TG: variants seen among roughly 807,000 people sequenced by gnomAD.
TG encodes the protein thyroid hormones.
In TG, 270 loss-of-function variants were observed where a neutral mutation model predicts 324.7. The observed-to-expected ratio is 0.83, with a 90% CI of 0.75 to 0.92. The LOEUF is 0.92. TG is among the 40% of genes least tolerant of loss of function. TG has a pLI of 0.00. For synonymous variants in TG, 1,401 were observed against 1,327.0 expected, an observed-to-expected ratio of 1.06 and a Z score of -1.21; for missense variants, 3,591 against 3,456.4, an observed-to-expected ratio of 1.04 and a Z score of -0.98.
intron 19 of TG, 107 bp from the exon 20 acceptor site, chr8:132,912,940 T>C (rs1819740644): frequency 9.5e-7 from 1 of 1,051,012 alleles, no homozygotes; most frequent in East Asian, 2.6e-5. Context: ...ATGATGCCTA[T>C]GTCTCATTCC....
intron 23 of TG, among the ~76,000 whole-genome samples, chr8:132,932,448 T>C (rs1822858963): frequency 6.6e-6 from 1 of 152,224 alleles, no homozygotes; most frequent in African/African-American, 2.4e-5. Flanking sequence ...TTTGCTCCCA[T>C]CAGCCACAGA....
chr8:132,923,426 G>T lies in TG; in HGVS notation c.4617G>T (p.Gly1539=). The T allele has an allele frequency of 6.2e-7, 1 of 1,614,136 alleles. No homozygotes were observed. Among genetic ancestry groups the T allele is most frequent in the South Asian group, 1.1e-5 (1 of 91,084 alleles). ...YRASQKDRGS[G]KAFCVDGEGR... ...CCAGCCAGAAGGACAGGGGCAGTGG[G>T]AAGGCCTTCTGTGTGGACGGCGAGG... is the stretch of plus-strand genomic sequence containing the variant. The change falls in exon 22 of 48, where the codon GGG becomes GGT. Residue 1539 remains glycine (G), a synonymous_variant. Coordinates refer to ENST00000220616, the MANE Select transcript of TG (RefSeq NM_003235.5).
chr8:132,906,320 T>G (rs1818674159), intron 16 of TG, among the ~76,000 whole-genome samples: 2 of 152,020 alleles, frequency 1.3e-5, no homozygotes, highest in Admixed American at 6.6e-5. Context: ...CCTGGGGGAC[T>G]GAGGCAGGGG....
chr8:133,113,443 C>T lies in TG; in HGVS notation c.7594C>T (p.Arg2532Trp), dbSNP rs565384161. ...CTAGCAATTTGAGGAAAGTCGAGGC[C>T]GGACCAGTAGCAAAACAGCCTTTTA... The part of the protein sequence containing the change: ...AVKQFEESRG[R>W]TSSKTAFYQA... Residue 2532 changes from arginine to tryptophan, a missense_variant, in exon 44 of 48, where the codon CGG (arginine) becomes TGG (tryptophan). Physicochemically the swap from Arg to Trp is moderately radical, Grantham distance 101 (BLOSUM62 -3). Coordinates refer to ENST00000220616, the MANE Select transcript of TG (RefSeq NM_003235.5). The T allele has an allele frequency of 7.3e-5, 118 of 1,613,824 alleles. 1 individual carries two copies. The South Asian group carries it at 1.0e-3, about 14-fold the overall frequency.
chr8:133,128,068 C>A (rs537609915), intron 45 of TG, among the ~76,000 whole-genome samples: 111 of 150,706 alleles, frequency 7.4e-4, no homozygotes, highest in Non-Finnish European at 1.3e-3. Flanking sequence ...GTAAGTAATT[C>A]TATCACTTGA....
At chr8:132,994,774 G>A (rs374862450) in intron 35 of TG, 49 of 1,288,306 alleles carry the variant, frequency 3.8e-5, no homozygotes, top group Middle Eastern at 4.3e-4. Flanking sequence ...GAGGGCTTCC[G>A]TATAACTGGA....
At chr8:132,939,266 C>T (rs770948006) in intron 25 of TG, among the ~76,000 whole-genome samples, 1 of 152,122 alleles carries the variant, frequency 6.6e-6, no homozygotes, top group South Asian at 2.1e-4. Flanking sequence ...GCAATATTAA[C>T]TTTGATTAAC....
chr8:132,898,312 G>A (rs1817417325), intron 13 of TG, 66 bp downstream of exon 13: 4 of 1,475,370 alleles, frequency 2.7e-6, no homozygotes, highest in African/African-American at 1.4e-5. Context: ...CTAGTCAGCT[G>A]TGGTTGCCTA....
chr8:132,923,496 TCA>T lies in TG; in HGVS notation c.4690_4691del (p.Gln1564ValfsTer8). The part of the protein sequence containing the change: ...WWETEAPLED[S>X]QCLMMQKFEK... Reference sequence around the variant, plus strand: ...GGAAACAGAGGCCCCTCTTGAGGACTCACAGTGTTTGAGTAGGTGCTGGGGGT... The same window carrying T: ...GGAAACAGAGGCCCCTCTTGAGGACTCAGTGTTTGAGTAGGTGCTGGGGGT... On this transcript the variant is annotated frameshift_variant, in exon 22 of 48. Coordinates refer to ENST00000220616, the MANE Select transcript of TG (RefSeq NM_003235.5). LOFTEE classifies it high-confidence loss of function. The T allele has an allele frequency of 6.2e-7, 1 of 1,613,950 alleles. No homozygotes were observed. Among genetic ancestry groups the T allele is most frequent in the Non-Finnish European group, 8.5e-7 (1 of 1,179,902 alleles).
chr8:133,112,666 T>C (rs1362450074), intron 43 of TG, among the ~76,000 whole-genome samples: 1 of 152,070 alleles, frequency 6.6e-6, no homozygotes, highest in Non-Finnish European at 1.5e-5. Context: ...TAGAAAAAGT[T>C]GCGCCCATCT....
At chr8:133,050,031 A>G in intron 41 of TG, 2 of 1,266,546 alleles carry the variant, frequency 1.6e-6, no homozygotes, top group Non-Finnish European at 2.3e-6. Flanking sequence ...ATAGGTAAAT[A>G]GCAAAACCAA....
intron 27 of TG, among the ~76,000 whole-genome samples, chr8:132,951,274 T>C (rs1826064286): frequency 6.6e-6 from 1 of 152,260 alleles, no homozygotes; most frequent in African/African-American, 2.4e-5. Flanking sequence ...TATATATCTG[T>C]GAGTGAATGG....
chr8:133,012,405 G>T lies in TG; in HGVS notation c.6397+370G>T, dbSNP rs1834598408. 2.0e-5 allele frequency among the ~76,000 whole-genome samples: 3 copies of T among 152,192 alleles called. No homozygotes were observed. In the South Asian group the frequency reaches 6.2e-4, roughly 31 times the overall value. On this transcript the variant is annotated intron_variant, in intron 36 of 47. Transcript: ENST00000220616. ...GGAAGTACACTTGTCTGGCCAGTGG[G>T]ATACACCTAAGAGCTATTGTTTTGG...
intron 26 of TG, 111 bp downstream of exon 26, chr8:132,941,653 A>G (rs1406083245): frequency 8.1e-7 from 1 of 1,233,874 alleles, no homozygotes; most frequent in Non-Finnish European, 1.2e-6. Context: ...GTGAGTGCCT[A>G]CACCCAAAGA....
In TG at chr8:132,967,906, G is replaced by T. The variant is rs779484127; in HGVS notation, c.5799G>T (p.Glu1933Asp). The change falls in exon 31 of 48, where the codon GAG (glutamate) becomes GAT (aspartate). Residue 1933 changes from glutamate (E) to aspartate (D), a missense_variant. Glu to Asp is a conservative substitution (Grantham distance 45, BLOSUM62 2). Transcript: ENST00000220616. ...CACAGGTGTGTGATGACATCATGGA[G>T]TCCAATGCCCAGGGCTGCAGACTGA... ...PEAQVCDDIM[E>D]SNAQGCRLIL... 1 of 1,614,008 alleles carries T rather than the reference G, an allele frequency of 6.2e-7. No homozygotes were observed. Among genetic ancestry groups the T allele is most frequent in the South Asian group, 1.1e-5 (1 of 91,068 alleles).
chr8:132,889,208 C>T (rs1815871681), intron 10 of TG, among the ~76,000 whole-genome samples: 1 of 152,208 alleles, frequency 6.6e-6, no homozygotes, highest in African/African-American at 2.4e-5. Flanking sequence ...GCCTTATCCC[C>T]CTCAGCTGTG....
At chr8:132,969,436 T>C (rs763505431) in intron 31 of TG, 22 bp from the exon 32 acceptor site, 12 of 1,535,740 alleles carry the variant, frequency 7.8e-6, no homozygotes, top group Non-Finnish European at 9.0e-6. Flanking sequence ...AAGTAATGTA[T>C]TTTCTTTCTT....
intron 18 of TG, 44 bp from the exon 19 acceptor site, chr8:132,911,333 T>C: frequency 6.2e-7 from 1 of 1,614,062 alleles, no homozygotes; most frequent in Non-Finnish European, 8.5e-7. Flanking sequence ...AAAACTAGCT[T>C]TCTACTCTGT....
chr8:133,013,409 G>T (rs1205166883), intron 36 of TG, among the ~76,000 whole-genome samples, 191 bp from the exon 37 acceptor site: 1 of 152,094 alleles, frequency 6.6e-6, no homozygotes, highest in African/African-American at 2.4e-5. Flanking sequence ...ATGGATGGAA[G>T]AGTAGATGAG....
Sources: allele counts gnomAD v4.1 joint callset (sites outside exome capture counted in the v4.1 genomes callset), GRCh38; gene constraint gnomAD v4.1.1; transcripts MANE v1.5; gene names NCBI Gene and HGNC (gene_info 2026-07-23, HGNC 2026-07-21).